Variants in RPA3 observed in about 807,000 individuals in gnomAD.
RPA3 encodes replication protein A3, also known as replication protein A 14 kDa subunit.
RPA3 carries 24 observed loss-of-function variants against 13.7 expected under a neutral mutation model. The ratio of observed to expected loss-of-function variants is 1.75; its 90% CI spans 1.27 to 2.46. RPA3 has a LOEUF of 2.46. Among genes scored for constraint, RPA3 ranks in the 30% most tolerant of loss-of-function variants. The probability of loss-of-function intolerance (pLI) is 0.00; values close to 1 mark genes in which losing one functional copy is unlikely to be tolerated. For synonymous variants in RPA3, 59 were observed against 51.2 expected, an observed-to-expected ratio of 1.15 and a Z score of -0.65; for missense variants, 183 against 151.0, an observed-to-expected ratio of 1.21 and a Z score of -1.11.
Position 7,700,369 on chromosome 7 carries a change from G to C in RPA3, c.-1027-13041C>G, listed in dbSNP as rs1023833634. ...TATGAGGGGTAGGATTTCATTTCAT[G>C]AATTTTGAGGGAACACAAATATTCA... On this transcript the variant is annotated intron_variant, in intron 2 of 7. Coordinates refer to ENST00000223129, the MANE Select transcript of RPA3 (RefSeq NM_002947.5). Among the ~76,000 whole-genome samples the C allele has an allele frequency of 4.1e-4, 62 of 152,156 alleles. 1 individual carries two copies. Among genetic ancestry groups the C allele is most frequent in the Admixed American group, 3.9e-3 (60 of 15,268 alleles).
At position 7,653,099 on chromosome 7, in the gene RPA3, T is replaced by C. The variant is rs532089141; in HGVS notation, c.-757-11924A>G. ...TGTGTTTTATGATATTTGTTTTATG[T>C]GGAGAGATGCTTTTTGTTAGAGTTG... On this transcript the variant is annotated intron_variant, in intron 4 of 7. Transcript: ENST00000223129. Among the ~76,000 whole-genome samples the C allele has an allele frequency of 1.6e-4, 25 of 152,360 alleles. 1 individual carries two copies. The East Asian group carries it at 3.5e-3, about 21-fold the overall frequency.
intron 4 of RPA3, among the ~76,000 whole-genome samples, chr7:7,675,840 C>G (rs1779725445): frequency 6.6e-6 from 1 of 152,160 alleles, no homozygotes; most frequent in African/African-American, 2.4e-5. Context: ...CCAAACAAAT[C>G]AGGTCCGCCA....
At chr7:7,703,133 G>A (rs184225303) in intron 2 of RPA3, among the ~76,000 whole-genome samples, 1 of 152,280 alleles carries the variant, frequency 6.6e-6, no homozygotes, top group African/African-American at 2.4e-5. Context: ...ATTGAATACA[G>A]CTGTAGTTTA....
intron 5 of RPA3, chr7:7,640,093 T>C (rs1437205871): frequency 1.3e-5 from 7 of 557,978 alleles, no homozygotes; most frequent in Admixed American, 3.1e-5. Context: ...CGACGGGCAC[T>C]GGAATTTAGA....
chr7:7,693,558 C>G (rs1780232066), intron 2 of RPA3, among the ~76,000 whole-genome samples: 2 of 152,146 alleles, frequency 1.3e-5, no homozygotes, highest in South Asian at 4.1e-4. Context: ...ACTAGAACTT[C>G]CAGTGTATCA....
At chr7:7,667,164 TATTAAGATGC>T (rs1779486627) in intron 4 of RPA3, among the ~76,000 whole-genome samples, 1 of 152,174 alleles carries the variant, frequency 6.6e-6, no homozygotes, top group African/African-American at 2.4e-5. Context: ...GATCCCTGAG[TATTAAGATGC>T]ATTATAGGTT....
intron 4 of RPA3, among the ~76,000 whole-genome samples, chr7:7,654,440 C>T (rs984843087): frequency 1.3e-5 from 2 of 152,210 alleles, no homozygotes; most frequent in Admixed American, 1.3e-4. Flanking sequence ...AGTTATCCTT[C>T]GGTATCCCTA....
chr7:7,648,280 G>C (rs1241822575), intron 4 of RPA3, among the ~76,000 whole-genome samples: 1 of 151,704 alleles, frequency 6.6e-6, no homozygotes, highest in Non-Finnish European at 1.5e-5. Flanking sequence ...CTGTTTCTCT[G>C]CTTAAGTTTT....
chr7:7,685,184 G>A (rs1375939500), intron 4 of RPA3, among the ~76,000 whole-genome samples: 1 of 152,028 alleles, frequency 6.6e-6, no homozygotes, highest in Non-Finnish European at 1.5e-5. Context: ...TGTCTTTCTG[G>A]TAATCTTAGT....
At position 7,640,609 on chromosome 7, in the gene RPA3, G is replaced by A. The variant is rs1784944956; in HGVS notation, c.-191C>T. 1 of 591,314 alleles carries A rather than the reference G, an allele frequency of 1.7e-6. No homozygotes were observed. The highest frequency in any genetic ancestry group is 3.0e-5 in the Admixed American group (1 of 33,200). The allele number at this position is 591,314 out of a possible 1,614,324, so 36.6% of individuals were successfully genotyped here. ...GAAAGGGGTGGAGAAGGGGCTGGAT[G>A]AGTCCGGAAGTGGAGATTGGCTGCT... On this transcript the variant is annotated 5_prime_UTR_variant, in exon 5 of 8. Coordinates refer to ENST00000223129, the MANE Select transcript of RPA3 (RefSeq NM_002947.5).
intron 5 of RPA3, chr7:7,640,060 CG>C: frequency 2.0e-6 from 1 of 495,232 alleles, no homozygotes; most frequent in Non-Finnish European, 3.6e-6. Context: ...ATTTCCCTTA[CG>C]TAAGCACGGC....
intron 2 of RPA3, among the ~76,000 whole-genome samples, chr7:7,696,588 TC>T (rs942005383): frequency 1.3e-5 from 2 of 152,116 alleles, no homozygotes; most frequent in Non-Finnish European, 2.9e-5. Context: ...GTGTCAACTG[TC>T]TGAAATTTAT....
At chr7:7,653,850 C>T (rs947000795) in intron 4 of RPA3, among the ~76,000 whole-genome samples, 4 of 152,142 alleles carry the variant, frequency 2.6e-5, no homozygotes, top group Admixed American at 6.5e-5. Flanking sequence ...TAGGAAGGCA[C>T]TTAGTGGGTT....
chr7:7,677,099 T>A (rs1165431541), intron 4 of RPA3, among the ~76,000 whole-genome samples: 1 of 152,138 alleles, frequency 6.6e-6, no homozygotes, highest in Non-Finnish European at 1.5e-5. Context: ...TTGTTTTAAA[T>A]TTTTTATTTT....
At chr7:7,647,894 T>C (rs924984581) in intron 4 of RPA3, among the ~76,000 whole-genome samples, 1 of 152,370 alleles carries the variant, frequency 6.6e-6, no homozygotes, top group Middle Eastern at 3.4e-3. Flanking sequence ...TGTGAGTCAC[T>C]GTGCCTGGCT....
At chr7:7,679,711 AATAT>A (rs372324513) in intron 4 of RPA3, among the ~76,000 whole-genome samples, 50 of 128,430 alleles carry the variant, frequency 3.9e-4, no homozygotes, top group African/African-American at 1.3e-3. Flanking sequence ...TTTATAGATA[AATAT>A]ATATATATAT....
At chr7:7,676,179 G>T (rs1356753885) in intron 4 of RPA3, 3 of 398,494 alleles carry the variant, frequency 7.5e-6, no homozygotes, top group Non-Finnish European at 1.3e-5. Flanking sequence ...TGGCTTCGTG[G>T]CTCCACGACT....
At chr7:7,643,667 G>A (rs186494334) in intron 4 of RPA3, among the ~76,000 whole-genome samples, 9 of 150,194 alleles carry the variant, frequency 6.0e-5, no homozygotes, top group East Asian at 2.0e-4. Context: ...AGCCGAGATC[G>A]CGCCACTTCA....
chr7:7,685,282 G>C lies in RPA3; in HGVS notation c.-758+548C>G, dbSNP rs1053601453. ...GCATGCAACCAATGCATATTATGAA[G>C]GGAAGAATTATTATTGGGTTTACAC... On this transcript the variant is annotated intron_variant, in intron 4 of 7. Coordinates refer to ENST00000223129, the MANE Select transcript of RPA3 (RefSeq NM_002947.5). 2.0e-5 allele frequency among the ~76,000 whole-genome samples: 3 copies of C among 151,402 alleles called. No homozygotes were observed. In the Admixed American group the frequency reaches 2.0e-4, roughly 10 times the overall value.
Sources: gnomAD v4.1 joint callset for allele counts (sites outside exome capture counted in the v4.1 genomes callset) on GRCh38, gnomAD v4.1.1 for gene constraint, MANE v1.5 for transcripts, NCBI Gene and HGNC (gene_info 2026-07-23, HGNC 2026-07-21) for gene names.